ZNF227: variants seen among roughly 807,000 people sequenced by gnomAD.
ZNF227 encodes the protein zinc finger protein 227.
Under a neutral mutation model 13.2 loss-of-function variants are expected in ZNF227, and 12 were observed. That is an observed-to-expected ratio of 0.91 (90% CI 0.58 to 1.47). The LOEUF is 1.47. ZNF227 is among the 40% of genes most tolerant of loss of function. The pLI, the probability that ZNF227 is intolerant of heterozygous loss-of-function variation, is 0.00. For synonymous variants in ZNF227, 338 were observed against 326.0 expected, an observed-to-expected ratio of 1.04 and a Z score of -0.40; for missense variants, 885 against 967.5, an observed-to-expected ratio of 0.91 and a Z score of 1.13.
At chr19:44,212,483 C>T (rs888408369), upstream of ZNF227, 1 of 151,802 alleles carries the variant, frequency 6.6e-6, no homozygotes, top group Non-Finnish European at 1.5e-5. Context: ...AATTGGGCCG[C>T]AGGAGCGCGG....
chr19:44,222,000 C>A (rs1489856182), intron 3 of ZNF227, among the ~76,000 whole-genome samples: 1 of 152,190 alleles, frequency 6.6e-6, no homozygotes, highest in Non-Finnish European at 1.5e-5. Context: ...GTTTTCCCAG[C>A]ATCATTTATT....
intron 3 of ZNF227, among the ~76,000 whole-genome samples, chr19:44,220,149 A>T (rs1350774488): frequency 2.6e-5 from 4 of 152,246 alleles, no homozygotes; most frequent in South Asian, 4.1e-4. Context: ...CATGGTGTAT[A>T]TGTGCCACAT....
chr19:44,217,453 A>G, intron 2 of ZNF227: 1 of 523,780 alleles, frequency 1.9e-6, no homozygotes, highest in Non-Finnish European at 3.7e-6. Flanking sequence ...GGTTTTTAAT[A>G]TCCCCAAGGT....
intron 5 of ZNF227, among the ~76,000 whole-genome samples, chr19:44,233,117 A>G (rs1375358874): frequency 1.3e-5 from 2 of 151,890 alleles, no homozygotes; most frequent in Non-Finnish European, 2.9e-5. Context: ...TTCAGTTTGT[A>G]TTATTAGAAT....
chr19:44,233,858 G>A (rs1180894456), intron 5 of ZNF227, among the ~76,000 whole-genome samples: 1 of 152,158 alleles, frequency 6.6e-6, no homozygotes, highest in African/African-American at 2.4e-5. Context: ...TCACACCACT[G>A]CACTCCAGCC....
rs896111254 is a variant in ZNF227 at position 44,219,966 on chromosome 19, T to C, written c.60+2114T>C. 1.3e-4 allele frequency among the ~76,000 whole-genome samples: 20 copies of C among 151,916 alleles called. No individual in the cohort carries two copies. The East Asian group carries it at 2.7e-3, about 21-fold the overall frequency. ...CCACAACAGTCCCTGGAGTGTGATG[T>C]TCCCCTTCCTGTGTCCATGTGTTCT... On this transcript the variant is annotated intron_variant, in intron 3 of 5. Coordinates refer to ENST00000313040, the MANE Select transcript of ZNF227 (RefSeq NM_182490.3).
intron 3 of ZNF227, chr19:44,228,086 C>T: frequency 6.1e-6 from 1 of 163,736 alleles, no homozygotes; most frequent in Non-Finnish European, 1.3e-5. Context: ...CAAAAATTAG[C>T]CGGGCATGGT....
chr19:44,236,091 G>C lies in ZNF227; in HGVS notation c.1661G>C (p.Gly554Ala). 4 of 1,614,022 alleles carry C rather than the reference G, an allele frequency of 2.5e-6. No individual in the cohort carries two copies. Among genetic ancestry groups the C allele is most frequent in the Non-Finnish European group, 3.4e-6 (4 of 1,179,974 alleles). ...GEKPYRCDVC[G>A]KDFSYSSNLK... is the part of the protein sequence containing the mutation. ...AAACCATATAGATGTGATGTGTGTG[G>C]TAAGGACTTCAGTTATAGTTCAAAT... The change falls in exon 6 of 6, where the codon GGT becomes GCT. Residue 554 changes from glycine to alanine, a missense_variant. By Grantham distance (60) the Gly-to-Ala change is moderately conservative (BLOSUM62 0). Transcript: ENST00000313040.
chr19:44,214,686 T>C (rs1191323448), intron 2 of ZNF227, among the ~76,000 whole-genome samples: 1 of 152,164 alleles, frequency 6.6e-6, no homozygotes, highest in Non-Finnish European at 1.5e-5. Flanking sequence ...CCGAAAAATT[T>C]CAAGCATATT....
In ZNF227 at chr19:44,235,004, G is replaced by A. The variant is rs1227298662; in HGVS notation, c.574G>A (p.Gly192Ser). 6.2e-7 allele frequency: 1 copy of A among 1,614,126 alleles called. No individual in the cohort carries two copies. Among genetic ancestry groups the A allele is most frequent in the Non-Finnish European group, 8.5e-7 (1 of 1,180,030 alleles). The change falls in exon 6 of 6, where the codon GGT becomes AGT. Residue 192 changes from glycine (G) to serine (S), a missense_variant. Coordinates refer to ENST00000313040, the MANE Select transcript of ZNF227 (RefSeq NM_182490.3). Reference sequence around the variant, plus strand: ...GAGTGAGTCACAGATTCAGAGTAGAGGTAAGCAAATTGATGTGAAAAATAA... The same window carrying A: ...GAGTGAGTCACAGATTCAGAGTAGAAGTAAGCAAATTGATGTGAAAAATAA... ...YLSESQIQSR[G>S]KQIDVKNNLQ...
At chr19:44,217,435 A>G (rs1321598762) in intron 2 of ZNF227, 1 of 500,946 alleles carries the variant, frequency 2.0e-6, no homozygotes. Context: ...GAAGTGAGGC[A>G]CAGAGAGGGT....
At chr19:44,221,027 G>A (rs1016082814) in intron 3 of ZNF227, among the ~76,000 whole-genome samples, 40 of 151,172 alleles carry the variant, frequency 2.6e-4, no homozygotes, top group African/African-American at 9.7e-4. Flanking sequence ...TGGTGTATAT[G>A]TGCCACATTT....
chr19:44,216,012 A>AAAT (rs1971845924), intron 2 of ZNF227, among the ~76,000 whole-genome samples: 1 of 111,846 alleles, frequency 8.9e-6, no homozygotes, highest in African/African-American at 3.6e-5. Context: ...AAAAAAAAAG[A>AAAT]TGTACCTTTA....
At chr19:44,212,410 C>A (rs1057306805), upstream of ZNF227, 4 of 139,694 alleles carry the variant, frequency 2.9e-5, no homozygotes, top group African/African-American at 1.1e-4. Context: ...AAGAGGGCGG[C>A]ACCTGGATGG....
upstream of ZNF227, among the ~76,000 whole-genome samples, chr19:44,211,984 G>C (rs866121299): frequency 3.3e-5 from 5 of 150,122 alleles, no homozygotes; most frequent in African/African-American, 1.2e-4. Flanking sequence ...CACCCTCCAG[G>C]GTTCAAGCGA....
chr19:44,210,996 C>G (rs1971337508), upstream of ZNF227, among the ~76,000 whole-genome samples: 1 of 152,140 alleles, frequency 6.6e-6, no homozygotes, highest in Non-Finnish European at 1.5e-5. Context: ...GAATTCAAGA[C>G]TAGCCTGGCC....
At chr19:44,223,058 T>G (rs139636143) in intron 3 of ZNF227, among the ~76,000 whole-genome samples, 25,341 of 152,128 alleles carry the variant, frequency 0.17, 5,257 homozygotes, top group African/African-American at 0.48. Flanking sequence ...TTATATGCTG[T>G]ATTACATTTA....
rs750287909 is a variant in ZNF227, at chr19:44,235,047, A to G, written c.617A>G (p.Asp206Gly). 4 of 1,614,048 alleles carry G rather than the reference A, an allele frequency of 2.5e-6. No homozygotes were observed. In the Admixed American group the frequency reaches 6.7e-5, roughly 27 times the overall value. ...DVKNNLQIHE[D>G]FMKKSPFHEH... ...AAAAATAACCTGCAAATACATGAAG[A>G]CTTCATGAAGAAATCACCATTTCAT... Residue 206 changes from aspartate to glycine, a missense_variant, in exon 6 of 6, where the codon GAC (aspartate) becomes GGC (glycine). Transcript: ENST00000313040.
chr19:44,213,265 TTTG>T (rs1424493230), intron 2 of ZNF227, 21 bp downstream of exon 2: 1 of 152,196 alleles, frequency 6.6e-6, no homozygotes, highest in Non-Finnish European at 1.5e-5. Context: ...TTGAACGCAC[TTTG>T]TTGTTCCATT....
Sources: allele counts gnomAD v4.1 joint callset (sites outside exome capture counted in the v4.1 genomes callset), GRCh38; gene constraint gnomAD v4.1.1; transcripts MANE v1.5; gene names NCBI Gene and HGNC (gene_info 2026-07-23, HGNC 2026-07-21).